The following ARHGEF10 variants were observed in gnomAD, a reference collection of about 807,000 sequenced individuals.
ARHGEF10 encodes Rho guanine nucleotide exchange factor 10.
In ARHGEF10, 140 loss-of-function variants were observed where a neutral mutation model predicts 147.4. The ratio of observed to expected loss-of-function variants is 0.95; its 90% confidence interval spans 0.83 to 1.09. The LOEUF is 1.09. Ranked by LOEUF, ARHGEF10 falls within the 50% of genes least tolerant of loss-of-function variation. ARHGEF10 has a pLI of 0.00. For synonymous variants in ARHGEF10, 902 were observed against 695.8 expected, an observed-to-expected ratio of 1.30 and a Z score of -4.67; for missense variants, 2,222 against 1,752.7, an observed-to-expected ratio of 1.27 and a Z score of -4.78.
intron 27 of ARHGEF10, among the ~76,000 whole-genome samples, chr8:1,947,091 C>G (rs916879248): frequency 6.6e-6 from 1 of 152,232 alleles, no homozygotes; most frequent in African/African-American, 2.4e-5. Flanking sequence ...GCACTCACTG[C>G]TAGAGCAAAT....
chr8:1,823,747 C>T (rs1208558211), upstream of ARHGEF10, among the ~76,000 whole-genome samples: 1 of 151,850 alleles, frequency 6.6e-6, no homozygotes, highest in East Asian at 2.0e-4. Flanking sequence ...CGTGCGCAGC[C>T]TGGGCCGGGC....
rs748640397 is a variant in ARHGEF10 at position 1,945,583 on chromosome 8, C to T, written c.3325C>T (p.Leu1109Phe). 3 of 1,614,242 alleles carry T rather than the reference C, an allele frequency of 1.9e-6. No homozygotes were observed. The highest frequency in any genetic ancestry group is 2.5e-6 in the Non-Finnish European group (3 of 1,180,046). Residue 1109 changes from leucine to phenylalanine, a missense_variant, in exon 27 of 29, where the codon CTT becomes TTT. By Grantham distance (22) the Leu-to-Phe change is conservative. Transcript: ENST00000349830. ...IAFTSGSTLR[L>F]FHTETLKHLQ... The stretch of plus-strand genomic sequence containing the variant: ...CTTCACCTCAGGGTCCACGCTCCGC[C>T]TTTTTCACACGGAAACTCTCAAGCA...
At chr8:1,890,548 G>C (rs994811788) in intron 11 of ARHGEF10, among the ~76,000 whole-genome samples, 6 of 149,684 alleles carry the variant, frequency 4.0e-5, no homozygotes, top group African/African-American at 1.5e-4. Flanking sequence ...CACTGAGTGG[G>C]GTGAGAGTTT....
chr8:1,882,911 C>A (rs1184433660), intron 10 of ARHGEF10, among the ~76,000 whole-genome samples, 162 bp downstream of exon 10: 2 of 152,244 alleles, frequency 1.3e-5, no homozygotes, highest in Non-Finnish European at 2.9e-5. Context: ...CTGCTGACCC[C>A]AGCCTCCCCG....
chr8:1,869,334 G>A (rs1211747214), intron 7 of ARHGEF10, 84 bp downstream of exon 7: 8 of 1,174,636 alleles, frequency 6.8e-6, no homozygotes, highest in South Asian at 3.7e-5. Flanking sequence ...TTTAGTGGAC[G>A]GCCCAGACGT....
intron 7 of ARHGEF10, 118 bp from the exon 8 acceptor site, chr8:1,876,453 T>C (rs1180437518): frequency 9.1e-7 from 1 of 1,093,682 alleles, no homozygotes; most frequent in Non-Finnish European, 1.4e-6. Context: ...GTCCTCAGCA[T>C]GATTCAGATT....
chr8:1,861,556 T>C (rs1420646543), intron 4 of ARHGEF10, among the ~76,000 whole-genome samples: 1 of 152,234 alleles, frequency 6.6e-6, no homozygotes, highest in Non-Finnish European at 1.5e-5. Flanking sequence ...CCACAGCCTC[T>C]ACGCCTGAGA....
intron 1 of ARHGEF10, among the ~76,000 whole-genome samples, chr8:1,833,351 CAGAG>C (rs144186728): frequency 0.44 from 62,699 of 142,496 alleles, 14,540 homozygotes; most frequent in Middle Eastern, 0.55. Context: ...GAGACAGAGG[CAGAG>C]AGAGACAGAG....
intron 1 of ARHGEF10, among the ~76,000 whole-genome samples, chr8:1,836,050 A>G (rs111719741): frequency 0.6 from 89,987 of 150,930 alleles, 27,093 homozygotes; most frequent in Middle Eastern, 0.72. Flanking sequence ...GCGTGGTGGC[A>G]GGTGCCTGAA....
intron 18 of ARHGEF10, among the ~76,000 whole-genome samples, chr8:1,918,775 T>A (rs548027951): frequency 1.3e-5 from 2 of 152,212 alleles, no homozygotes; most frequent in Non-Finnish European, 2.9e-5. Flanking sequence ...TGTGAATCCC[T>A]GTGACCTATC....
rs765663189 is a variant in ARHGEF10 at position 1,923,615 on chromosome 8, C to G, written c.2387+20C>G. On this transcript the variant is annotated intron_variant, in intron 20 of 28. Coordinates refer to ENST00000349830, the MANE Select transcript of ARHGEF10 (RefSeq NM_014629.4). ...GGACAAGTTAGTAGTAGCTTTAAAA[C>G]GAAACCTTCTTGGCCAATGCTGGGG... 1.9e-6 allele frequency: 3 copies of G among 1,614,134 alleles called. No homozygotes were observed. The highest frequency in any genetic ancestry group is 1.6e-4 in the Middle Eastern group (1 of 6,062).
chr8:1,902,395 C>T lies in ARHGEF10; in HGVS notation c.1651-886C>T, dbSNP rs183736374. 9.2e-5 allele frequency among the ~76,000 whole-genome samples: 14 copies of T among 152,286 alleles called. No homozygotes were observed. In the East Asian group the frequency reaches 1.9e-3, roughly 21 times the overall value. On this transcript the variant is annotated intron_variant, in intron 15 of 28. Coordinates refer to ENST00000349830, the MANE Select transcript of ARHGEF10 (RefSeq NM_014629.4). Reference sequence around the variant, plus strand: ...GTTTATCCTGTGATTGGCAGCAGTGCGTCATTTTTTGCTGGCTGTTGTTGT... The same window carrying T: ...GTTTATCCTGTGATTGGCAGCAGTGTGTCATTTTTTGCTGGCTGTTGTTGT...
intron 18 of ARHGEF10, among the ~76,000 whole-genome samples, chr8:1,921,021 G>A (rs1812247198): frequency 6.6e-6 from 1 of 152,166 alleles, no homozygotes; most frequent in Admixed American, 6.5e-5. Context: ...CTCGACCTCA[G>A]GTGATCCTCC....
rs747024969 is a variant in ARHGEF10, at chr8:1,948,903, C to T, written c.3397+3248C>T. ...GTCACTGCTCCTGGGTTCTTCTCCT[C>T]CTTATCGTCCAAGATGGTTCCTGGA... On this transcript the variant is annotated intron_variant, in intron 27 of 28. Transcript: ENST00000349830. The surrounding 1 kb of genome is among the most constrained non-coding windows in gnomAD (Gnocchi z 4.9). 2.6e-5 allele frequency among the ~76,000 whole-genome samples: 4 copies of T among 152,180 alleles called. No individual in the cohort carries two copies. The highest frequency in any genetic ancestry group is 6.5e-5 in the Admixed American group (1 of 15,276).
chr8:1,956,603 CTTA>C (rs757537114), intron 28 of ARHGEF10, 143 bp from the exon 29 acceptor site: 4 of 764,838 alleles, frequency 5.2e-6, no homozygotes, highest in Non-Finnish European at 9.0e-6. Context: ...TTCATCGTAG[CTTA>C]TTATTCATGT....
At chr8:1,952,302 C>G (rs1170780627) in intron 27 of ARHGEF10, among the ~76,000 whole-genome samples, 4 of 152,258 alleles carry the variant, frequency 2.6e-5, no homozygotes, top group South Asian at 2.1e-4. Context: ...GTAAAGGGGT[C>G]TCTCTGCTCC....
intron 23 of ARHGEF10, 193 bp downstream of exon 23, chr8:1,926,656 A>G (rs1470893641): frequency 2.0e-5 from 13 of 652,710 alleles, no homozygotes; most frequent in Non-Finnish European, 3.3e-5. Context: ...GTTCTTAGGA[A>G]TGCAAATATT....
In ARHGEF10 at chr8:1,911,573, A is replaced by T. The variant is rs574423635; in HGVS notation, c.2143+2103A>T. Among the ~76,000 whole-genome samples the T allele has an allele frequency of 2.6e-5, 4 of 152,326 alleles. No homozygotes were observed. In the South Asian group the frequency reaches 8.3e-4, roughly 32 times the overall value. On this transcript the variant is annotated intron_variant, in intron 18 of 28. Coordinates refer to ENST00000349830, the MANE Select transcript of ARHGEF10 (RefSeq NM_014629.4). ...GAGCATGGTGCTGTCTTGCATTTAC[A>T]GAGAAGGTGAAAGTGGGCACCGTGC...
intron 16 of ARHGEF10, among the ~76,000 whole-genome samples, chr8:1,904,757 G>A (rs919970075): frequency 3.3e-5 from 5 of 152,170 alleles, no homozygotes; most frequent in African/African-American, 4.8e-5. Context: ...GGGCAGCAGC[G>A]TAGGTTTAGA....
Sources: gnomAD v4.1 joint callset for allele counts (sites outside exome capture counted in the v4.1 genomes callset) on GRCh38, gnomAD v4.1.1 for gene constraint, Gnocchi (gnomAD v3.1) non-coding constraint, MANE v1.5 for transcripts, NCBI Gene and HGNC (gene_info 2026-07-23, HGNC 2026-07-21) for gene names.